The following TLN2 variants were observed in gnomAD, a reference collection of about 807,000 sequenced individuals.
The protein encoded by TLN2 is talin 2, also known as talin-2.
TLN2 carries 118 observed loss-of-function variants against 294.7 expected under a neutral mutation model. The ratio of observed to expected loss-of-function variants is 0.40; its 90% CI spans 0.34 to 0.47. The LOEUF is 0.47. Among genes scored for constraint, TLN2 ranks in the 20% least tolerant of loss-of-function variants. The probability of loss-of-function intolerance (pLI) is 0.84; values close to 1 mark genes in which losing one functional copy is unlikely to be tolerated. For missense variants in TLN2, 3,083 were observed against 3,282.2 expected, an observed-to-expected ratio of 0.94 and a Z score of 1.48; for synonymous variants, 1,431 against 1,304.5, an observed-to-expected ratio of 1.10 and a Z score of -2.09.
At chr15:62,509,386 G>T (rs1286652160) in intron 1 of TLN2, among the ~76,000 whole-genome samples, 1 of 152,140 alleles carries the variant, frequency 6.6e-6, no homozygotes, top group African/African-American at 2.4e-5. Flanking sequence ...TGATTCCATT[G>T]ATTGAGCTCT....
intron 1 of TLN2, among the ~76,000 whole-genome samples, chr15:62,585,741 C>G (rs1482541542): frequency 6.6e-6 from 1 of 152,162 alleles, no homozygotes; most frequent in Non-Finnish European, 1.5e-5. Flanking sequence ...AAATAAGCTC[C>G]TATTTGCTTG....
chr15:62,393,707 A>C (rs943669735), intron 1 of TLN2, among the ~76,000 whole-genome samples: 4 of 152,204 alleles, frequency 2.6e-5, no homozygotes, highest in African/African-American at 9.6e-5. Context: ...TACATGTTAA[A>C]CCTTACATAA....
At chr15:62,831,601 T>C (rs2068854349) in intron 54 of TLN2, 1 of 152,164 alleles carries the variant, frequency 6.6e-6, no homozygotes, top group Admixed American at 6.5e-5. Flanking sequence ...CCAAATTCTA[T>C]ACTCCACCAG....
At chr15:62,519,677 G>A (rs2040360807) in intron 1 of TLN2, among the ~76,000 whole-genome samples, 2 of 152,230 alleles carry the variant, frequency 1.3e-5, no homozygotes, top group Admixed American at 6.5e-5. Flanking sequence ...TATGCAGAAG[G>A]AAGAGTATAA....
Position 62,708,719 on chromosome 15 carries a change from C to A in TLN2, c.2390C>A (p.Pro797His), listed in dbSNP as rs1413483452. 6.2e-7 allele frequency: 1 copy of A among 1,613,098 alleles called. No homozygotes were observed. Among genetic ancestry groups the A allele is most frequent in the East Asian group, 2.2e-5 (1 of 44,872 alleles). The change falls in exon 21 of 59, where the codon CCC (proline) becomes CAC (histidine). Residue 797 changes from proline (P) to histidine (H), a missense_variant. Physicochemically the swap from Pro to His is moderately conservative, Grantham distance 77 (BLOSUM62 -2). Transcript: ENST00000636159. ...CGGCAGTTTGCCAGCCGAGGCGAGC[C>A]CATCGGCCGCTACGACCAGGCTACT... Reference protein sequence around the residue: ...HVRQFASRGEPIGRYDQATDT... With the variant: ...HVRQFASRGEHIGRYDQATDT...
chr15:62,631,898 G>T (rs1453826959), intron 3 of TLN2, among the ~76,000 whole-genome samples: 2 of 151,922 alleles, frequency 1.3e-5, no homozygotes, highest in Admixed American at 6.6e-5. Context: ...TTTATAGTGA[G>T]GTATTTTTTA....
chr15:62,474,150 T>C (rs2037654202), intron 1 of TLN2, among the ~76,000 whole-genome samples: 1 of 152,212 alleles, frequency 6.6e-6, no homozygotes, highest in Admixed American at 6.5e-5. Context: ...GAGAGACTTA[T>C]AAAAGAGGAT....
At chr15:62,589,120 A>G (rs921357816) in intron 1 of TLN2, among the ~76,000 whole-genome samples, 12 of 151,970 alleles carry the variant, frequency 7.9e-5, no homozygotes, top group Admixed American at 5.9e-4. Context: ...CTGTTCCTTT[A>G]CTGTGGCTAG....
At chr15:62,724,495 A>G (rs762699963) in intron 26 of TLN2, among the ~76,000 whole-genome samples, 1 of 152,236 alleles carries the variant, frequency 6.6e-6, no homozygotes, top group Non-Finnish European at 1.5e-5. Flanking sequence ...ATATTTTGTA[A>G]TCTTCAGTAC....
At chr15:62,732,735 C>T (rs1324529515) in intron 28 of TLN2, among the ~76,000 whole-genome samples, 1 of 152,090 alleles carries the variant, frequency 6.6e-6, no homozygotes, top group Non-Finnish European at 1.5e-5. Context: ...AAGCAAAAAC[C>T]CAATCGTTCT....
At chr15:62,710,223 G>A (rs566103462) in intron 21 of TLN2, among the ~76,000 whole-genome samples, 16 of 152,166 alleles carry the variant, frequency 1.1e-4, no homozygotes, top group African/African-American at 1.4e-4. Context: ...CTTTTCCTAC[G>A]TAGGGTAAAT....
chr15:62,578,146 A>G (rs2044592521), intron 1 of TLN2, among the ~76,000 whole-genome samples: 1 of 152,238 alleles, frequency 6.6e-6, no homozygotes, highest in Non-Finnish European at 1.5e-5. Flanking sequence ...TAGTGCCACA[A>G]TAAACATTGT....
chr15:62,645,498 C>A lies in TLN2; in HGVS notation c.-36-1777C>A, dbSNP rs115485477. Among the ~76,000 whole-genome samples the A allele has an allele frequency of 5.6e-3, 854 of 152,316 alleles. 6 individuals are homozygous for A. The highest frequency in any genetic ancestry group is 0.02 in the African/African-American group (823 of 41,574). On this transcript the variant is annotated intron_variant, in intron 3 of 58. Coordinates refer to ENST00000636159, the MANE Select transcript of TLN2 (RefSeq NM_015059.3). Reference sequence around the variant, plus strand: ...CGGCCTGAAAGGTTGCTTTGTGAGACCGTGTAAACCATGCCCGCATTCACC... The same window carrying A: ...CGGCCTGAAAGGTTGCTTTGTGAGAACGTGTAAACCATGCCCGCATTCACC...
Position 62,740,744 on chromosome 15 carries a change from A to G in TLN2, c.4000A>G (p.Lys1334Glu). 6.2e-7 allele frequency: 1 copy of G among 1,614,214 alleles called. No individual in the cohort carries two copies. Among genetic ancestry groups the G allele is most frequent in the East Asian group, 2.2e-5 (1 of 44,880 alleles). Reference protein sequence around the residue: ...LSVDPGAPNAKNLLAAAARAV... With the variant: ...LSVDPGAPNAENLLAAAARAV... ...TGTAGATCCAGGAGCTCCCAATGCG[A>G]AAAATCTCCTGGCTGCAGCTGCAAG... The change falls in exon 32 of 59, where the codon AAA (lysine) becomes GAA (glutamate). Residue 1334 changes from lysine to glutamate, a missense_variant. Physicochemically the swap from Lys to Glu is moderately conservative, Grantham distance 56. Coordinates refer to ENST00000636159, the MANE Select transcript of TLN2 (RefSeq NM_015059.3).
At chr15:62,544,492 A>G (rs1265046040) in intron 1 of TLN2, among the ~76,000 whole-genome samples, 1 of 152,220 alleles carries the variant, frequency 6.6e-6, no homozygotes. Context: ...CACCTGGAAG[A>G]AAAACCAACA....
At position 62,763,684 on chromosome 15, in the gene TLN2, A is replaced by G; in HGVS notation, c.5083A>G (p.Ile1695Val). Residue 1695 changes from isoleucine to valine, a missense_variant, in exon 40 of 59, where the codon ATC (isoleucine) becomes GTC (valine). Coordinates refer to ENST00000636159, the MANE Select transcript of TLN2 (RefSeq NM_015059.3). Reference sequence around the variant, plus strand: ...CCAGAGCCTGGCCACGAGGGACGACATCTCTGTGGAGGTAAGCTGGGAATC... The same window carrying G: ...CCAGAGCCTGGCCACGAGGGACGACGTCTCTGTGGAGGTAAGCTGGGAATC... ...VSQSLATRDD[I>V]SVEALQEQLT... The G allele has an allele frequency of 6.2e-7, 1 of 1,608,462 alleles. No individual in the cohort carries two copies. The highest frequency in any genetic ancestry group is 2.2e-5 in the East Asian group (1 of 44,772).
At chr15:62,618,803 G>T (rs956373134) in intron 3 of TLN2, among the ~76,000 whole-genome samples, 2 of 152,226 alleles carry the variant, frequency 1.3e-5, no homozygotes, top group African/African-American at 4.8e-5. Context: ...GTGAAATATT[G>T]TACTGGAGAT....
At chr15:62,421,690 GGA>G (rs2034408260) in intron 1 of TLN2, among the ~76,000 whole-genome samples, 2 of 151,898 alleles carry the variant, frequency 1.3e-5, no homozygotes, top group South Asian at 4.2e-4. Flanking sequence ...GGGGGTGGGG[GGA>G]GAGAGAGGAT....
chr15:62,452,426 G>A (rs1428143404), intron 1 of TLN2, among the ~76,000 whole-genome samples: 2 of 152,216 alleles, frequency 1.3e-5, no homozygotes, highest in East Asian at 1.9e-4. Context: ...GACGTCGACA[G>A]TTTAAAAACA....
Sources: gnomAD v4.1 joint callset for allele counts (sites outside exome capture counted in the v4.1 genomes callset) on GRCh38, gnomAD v4.1.1 for gene constraint, MANE v1.5 for transcripts, NCBI Gene and HGNC (gene_info 2026-07-23, HGNC 2026-07-21) for gene names.